The following PRKCE variants were observed in gnomAD, a reference collection of about 807,000 sequenced individuals.
PRKCE encodes the protein protein kinase C epsilon, also known as protein kinase C epsilon type.
A neutral mutation model predicts 85.4 loss-of-function variants in PRKCE; 16 were observed. The ratio of observed to expected loss-of-function variants is 0.19; its 90% confidence interval spans 0.13 to 0.28. The LOEUF is 0.28. PRKCE is among the 10% of genes least tolerant of loss of function. PRKCE has a pLI of 1.00. For synonymous variants in PRKCE, 388 were observed against 371.5 expected, an observed-to-expected ratio of 1.04 and a Z score of -0.51; for missense variants, 573 against 975.2, an observed-to-expected ratio of 0.59 and a Z score of 5.49.
At chr2:46,030,503 A>G (rs1707439529) in intron 10 of PRKCE, among the ~76,000 whole-genome samples, 2 of 152,136 alleles carry the variant, frequency 1.3e-5, no homozygotes, top group African/African-American at 4.8e-5. Context: ...CATGAAAATC[A>G]TGTGGCTGTT....
At chr2:46,050,613 C>T (rs1023767442) in intron 10 of PRKCE, among the ~76,000 whole-genome samples, 1 of 152,164 alleles carries the variant, frequency 6.6e-6, no homozygotes, top group Non-Finnish European at 1.5e-5. Flanking sequence ...TTCTGTTTCC[C>T]GCTCTGTCCT....
intron 4 of PRKCE, among the ~76,000 whole-genome samples, chr2:45,979,938 C>T (rs1465110710): frequency 6.6e-6 from 1 of 152,100 alleles, no homozygotes; most frequent in Non-Finnish European, 1.5e-5. Context: ...GGGTGCGAGG[C>T]CACTACAACA....
At chr2:45,749,700 G>A (rs563760587) in intron 1 of PRKCE, among the ~76,000 whole-genome samples, 5 of 152,320 alleles carry the variant, frequency 3.3e-5, no homozygotes, top group Admixed American at 6.5e-5. Flanking sequence ...ACTATGATTA[G>A]TGAGGCAAAG....
At chr2:45,916,123 T>C (rs1438676840) in intron 2 of PRKCE, among the ~76,000 whole-genome samples, 2 of 152,144 alleles carry the variant, frequency 1.3e-5, no homozygotes, top group African/African-American at 4.8e-5. Flanking sequence ...GTCTGATGGA[T>C]TTCATGTTAG....
intron 2 of PRKCE, among the ~76,000 whole-genome samples, chr2:45,894,963 T>A (rs1490414276): frequency 6.6e-6 from 1 of 152,232 alleles, no homozygotes; most frequent in East Asian, 1.9e-4. Context: ...CCTCAGGCGA[T>A]CTGTCTGTCT....
intron 10 of PRKCE, among the ~76,000 whole-genome samples, chr2:46,056,728 C>T (rs1666615893): frequency 6.6e-6 from 1 of 152,154 alleles, no homozygotes; most frequent in Admixed American, 6.5e-5. Context: ...GTCATCCTTC[C>T]AGCAGGTGGT....
In PRKCE at chr2:46,004,464, C is replaced by A; in HGVS notation, c.967-78C>A. On this transcript the variant is annotated intron_variant, in intron 7 of 14. Transcript: ENST00000306156. The surrounding 1 kb of genome is among the most constrained non-coding windows in gnomAD (Gnocchi z 4.1). ...GGGAACTCTCATGGCTCTTATACGG[C>A]ATCTTGATGCTTTTGACATCAGAAA... 1.7e-6 allele frequency: 2 copies of A among 1,154,854 alleles called. No individual in the cohort carries two copies. Among genetic ancestry groups the A allele is most frequent in the Non-Finnish European group, 1.2e-6 (1 of 800,662 alleles). 71.5% of individuals were successfully genotyped at this position (1,154,854 alleles called of 1,614,324 possible).
intron 1 of PRKCE, among the ~76,000 whole-genome samples, chr2:45,661,012 C>G (rs150455656): frequency 3.9e-5 from 6 of 152,276 alleles, no homozygotes; most frequent in African/African-American, 1.4e-4. Flanking sequence ...AACCCAGATG[C>G]TGAAATGAGG....
intron 1 of PRKCE, among the ~76,000 whole-genome samples, chr2:45,782,152 G>C (rs1366142858): frequency 6.6e-6 from 1 of 152,152 alleles, no homozygotes; most frequent in African/African-American, 2.4e-5. Flanking sequence ...AAACTCTTCG[G>C]AGCTGAGCTA....
chr2:46,093,530 C>CTT (rs56905063), intron 11 of PRKCE, among the ~76,000 whole-genome samples: 4 of 131,472 alleles, frequency 3.0e-5, no homozygotes, highest in African/African-American at 1.1e-4. Flanking sequence ...TTGTACTTTT[C>CTT]TTTTTTTTTT....
chr2:46,151,139 C>T lies in PRKCE; in HGVS notation c.1830C>T (p.Asp610=). Residue 610 remains aspartate (D), a synonymous_variant, in exon 13 of 15, where the codon GAC becomes GAT. Transcript: ENST00000306156. The part of the protein sequence containing the change: ...MMAGQPPFEA[D]NEDDLFESIL... ...CTGGACAGCCTCCCTTTGAGGCCGA[C>T]AATGAGGACGACCTATTTGAGTCCA... 1 of 1,599,630 alleles carries T rather than the reference C, an allele frequency of 6.3e-7. No homozygotes were observed. The highest frequency in any genetic ancestry group is 1.1e-5 in the South Asian group (1 of 91,080).
chr2:45,783,376 A>G (rs1354525647), intron 1 of PRKCE, among the ~76,000 whole-genome samples: 1 of 152,002 alleles, frequency 6.6e-6, no homozygotes, highest in Non-Finnish European at 1.5e-5. Flanking sequence ...GCACACATAG[A>G]CCCCCACCCA....
intron 2 of PRKCE, among the ~76,000 whole-genome samples, chr2:45,887,139 C>T (rs895038975): frequency 3.3e-5 from 5 of 152,194 alleles, no homozygotes; most frequent in African/African-American, 7.2e-5. Context: ...GTTTTAGCCT[C>T]GTTCCTGCTT....
chr2:45,676,840 GC>G (rs927019556), intron 1 of PRKCE: 4 of 152,198 alleles, frequency 2.6e-5, no homozygotes, highest in African/African-American at 7.2e-5. Flanking sequence ...TCATTAGGGA[GC>G]CCCTGCCATC....
At chr2:46,040,613 C>A (rs1307965515) in intron 10 of PRKCE, among the ~76,000 whole-genome samples, 1 of 152,134 alleles carries the variant, frequency 6.6e-6, no homozygotes, top group Non-Finnish European at 1.5e-5. Flanking sequence ...ACCAGAAGAC[C>A]TCTTGTACTG....
intron 2 of PRKCE, among the ~76,000 whole-genome samples, chr2:45,853,217 G>C (rs1307981673): frequency 6.6e-6 from 1 of 152,170 alleles, no homozygotes; most frequent in African/African-American, 2.4e-5. Context: ...TTGTTAGAGA[G>C]CTGGGAAATG....
chr2:46,141,936 A>C (rs1675580406), intron 11 of PRKCE, among the ~76,000 whole-genome samples: 1 of 152,156 alleles, frequency 6.6e-6, no homozygotes, highest in East Asian at 1.9e-4. Context: ...AGGACCCCAA[A>C]GTAGGCAAGG....
At chr2:45,743,994 G>GTTT (rs35173223) in intron 1 of PRKCE, among the ~76,000 whole-genome samples, 164 of 131,934 alleles carry the variant, frequency 1.2e-3, no homozygotes, top group Non-Finnish European at 1.1e-3. Context: ...GCCGTTGTGT[G>GTTT]TTTTTTTTTT....
At chr2:45,943,108 C>T (rs1700001392) in intron 2 of PRKCE, among the ~76,000 whole-genome samples, 1 of 152,084 alleles carries the variant, frequency 6.6e-6, no homozygotes, top group South Asian at 2.1e-4. Flanking sequence ...GATTGTATCT[C>T]GGCGCTAGGA....
Sources: allele counts gnomAD v4.1 joint callset (sites outside exome capture counted in the v4.1 genomes callset), GRCh38; gene constraint gnomAD v4.1.1; non-coding constraint Gnocchi (gnomAD v3.1); transcripts MANE v1.5; gene names NCBI Gene and HGNC (gene_info 2026-07-23, HGNC 2026-07-21).